The following NHS variants were observed in gnomAD, a reference collection of about 807,000 sequenced individuals.
NHS encodes actin remodeling regulator NHS.
A neutral mutation model predicts 72.5 loss-of-function variants in NHS; 5 were observed. That is an observed-to-expected ratio of 0.07 (90% CI 0.04 to 0.14). The LOEUF is 0.14. NHS is among the 10% of genes least tolerant of loss of function. NHS has a pLI of 1.00. For missense variants in NHS, 1,072 were observed against 1,355.7 expected, an observed-to-expected ratio of 0.79 and a Z score of 3.29; for synonymous variants, 464 against 547.7, an observed-to-expected ratio of 0.85 and a Z score of 2.13.
chrX:17,719,175 A>G, intron 3 of NHS, 169 bp from the exon 4 acceptor site: 1 of 415,417 alleles, frequency 2.4e-6, no homozygotes. Flanking sequence ...AATAATGAGA[A>G]GGAAGGAGGA....
At chrX:17,488,556 G>A (rs1416475347) in intron 1 of NHS, among the ~76,000 whole-genome samples, 2 of 111,953 alleles carry the variant, frequency 1.8e-5, no homozygotes, top group Non-Finnish European at 3.8e-5. Flanking sequence ...GCAGGCTGGT[G>A]AAATCTGGAC....
chrX:17,389,516 T>G (rs970260239), intron 1 of NHS, among the ~76,000 whole-genome samples: 17 of 111,763 alleles, frequency 1.5e-4, no homozygotes, highest in African/African-American at 5.2e-4. Flanking sequence ...GAGAATCAGG[T>G]TTTTGACAAG....
At chrX:17,603,619 A>G (rs971074417) in intron 1 of NHS, among the ~76,000 whole-genome samples, 5 of 112,177 alleles carry the variant, frequency 4.5e-5, no homozygotes, top group African/African-American at 1.6e-4. Flanking sequence ...ATTTATTCAC[A>G]TACTCATTAT....
intron 1 of NHS, among the ~76,000 whole-genome samples, chrX:17,672,073 T>C (rs1392232613): frequency 1.8e-5 from 2 of 111,933 alleles, no homozygotes; most frequent in Non-Finnish European, 3.8e-5. Flanking sequence ...TGTCCTAGGC[T>C]AAATAGGGAC....
At chrX:17,433,690 G>A (rs1305503661) in intron 1 of NHS, among the ~76,000 whole-genome samples, 2 of 111,703 alleles carry the variant, frequency 1.8e-5, no homozygotes, top group Non-Finnish European at 3.8e-5. Flanking sequence ...GGAAAGTAGA[G>A]AAGTAAGTTT....
intron 1 of NHS, among the ~76,000 whole-genome samples, chrX:17,446,105 G>A (rs1189114400): frequency 9.1e-6 from 1 of 109,640 alleles, no homozygotes; most frequent in African/African-American, 3.3e-5. Flanking sequence ...ACAACCCCAC[G>A]ATATCACCCC....
intron 3 of NHS, among the ~76,000 whole-genome samples, chrX:17,714,148 T>TC (rs1339040183): frequency 9.4e-6 from 1 of 106,933 alleles, no homozygotes; most frequent in Non-Finnish European, 2.0e-5. Context: ...AGGAAATTAC[T>TC]CTTTTTTTTT....
intron 8 of NHS, among the ~76,000 whole-genome samples, chrX:17,731,306 C>T (rs1309227636): frequency 1.1e-5 from 1 of 90,015 alleles, no homozygotes; most frequent in African/African-American, 4.2e-5. Flanking sequence ...GGCGTGATCT[C>T]AGCTCACTGC....
chrX:17,441,677 C>T (rs375898092), intron 1 of NHS, among the ~76,000 whole-genome samples: 4 of 110,763 alleles, frequency 3.6e-5, no homozygotes, highest in South Asian at 7.7e-4. Flanking sequence ...TTCCTTCCTT[C>T]GTTCCTTCCT....
chrX:17,383,708 G>A (rs946702440), intron 1 of NHS, among the ~76,000 whole-genome samples: 1 of 111,844 alleles, frequency 8.9e-6, no homozygotes, highest in African/African-American at 3.3e-5. Context: ...ACCTCCCACC[G>A]TGTCCCTCCT....
chrX:17,524,695 A>G (rs1317227261), intron 1 of NHS, among the ~76,000 whole-genome samples: 2 of 112,587 alleles, frequency 1.8e-5, no homozygotes, highest in African/African-American at 6.5e-5. Flanking sequence ...TCTGGGGACC[A>G]TATCAGGAGG....
intron 1 of NHS, among the ~76,000 whole-genome samples, chrX:17,538,028 G>A (rs1336115376): frequency 1.8e-5 from 2 of 112,026 alleles, no homozygotes; most frequent in East Asian, 5.7e-4. Flanking sequence ...GGCCTCCAGT[G>A]CCCCCATCTT....
chrX:17,490,065 T>C (rs755031393), intron 1 of NHS, among the ~76,000 whole-genome samples: 5 of 112,255 alleles, frequency 4.5e-5, no homozygotes, highest in South Asian at 7.4e-4. Flanking sequence ...GTTCTCTCAT[T>C]CTGTAGGTTG....
At chrX:17,486,414 C>T (rs949441842) in intron 1 of NHS, among the ~76,000 whole-genome samples, 2 of 111,844 alleles carry the variant, frequency 1.8e-5, no homozygotes, top group African/African-American at 3.3e-5. Flanking sequence ...GCCATGGTGA[C>T]GCTGCTTCAA....
chrX:17,506,562 TAAA>T (rs1463795769), intron 1 of NHS, among the ~76,000 whole-genome samples: 1 of 106,330 alleles, frequency 9.4e-6, no homozygotes, highest in Non-Finnish European at 1.9e-5. Flanking sequence ...AATAAATAAA[TAAA>T]TAAGTAAATA....
chrX:17,554,041 G>A (rs972622572), intron 1 of NHS, among the ~76,000 whole-genome samples: 2 of 111,861 alleles, frequency 1.8e-5, no homozygotes, highest in Non-Finnish European at 3.8e-5. Flanking sequence ...GTGGCTCAGC[G>A]GAGTTTTGGG....
intron 1 of NHS, among the ~76,000 whole-genome samples, chrX:17,445,368 A>G (rs752313501): frequency 3.6e-5 from 4 of 111,961 alleles, no homozygotes; most frequent in Non-Finnish European, 7.5e-5. Flanking sequence ...AACTTCTGAC[A>G]TCATAGTGTT....
intron 1 of NHS, among the ~76,000 whole-genome samples, chrX:17,574,861 A>T (rs2146977995): frequency 9.0e-6 from 1 of 111,529 alleles, no homozygotes; most frequent in South Asian, 3.9e-4. Flanking sequence ...AATACATCTT[A>T]AATCAATCCT....
At chrX:17,658,812 A>G (rs1049379381) in intron 1 of NHS, among the ~76,000 whole-genome samples, 1 of 111,883 alleles carries the variant, frequency 8.9e-6, no homozygotes, top group African/African-American at 3.3e-5. Context: ...CAAATAAGAT[A>G]TCAATGATCC....
Sources: allele counts gnomAD v4.1 joint callset (sites outside exome capture counted in the v4.1 genomes callset), GRCh38; gene constraint gnomAD v4.1.1; transcripts MANE v1.5; gene names NCBI Gene and HGNC (gene_info 2026-07-23, HGNC 2026-07-21).